The following TULP3 variants were observed in gnomAD, a reference collection of about 807,000 sequenced individuals.
The protein encoded by TULP3 is tubby-related protein 3.
A neutral mutation model predicts 50.7 loss-of-function variants in TULP3; 38 were observed. The ratio of observed to expected loss-of-function variants is 0.75; its 90% confidence interval spans 0.58 to 0.98. The LOEUF (loss-of-function observed/expected upper bound fraction) is 0.98. TULP3 is among the 50% of genes least tolerant of loss of function. The pLI is 0.00. For missense variants in TULP3, 550 were observed against 568.0 expected (o/e 0.97, Z 0.32); for synonymous variants, 183 against 196.6 (o/e 0.93, Z 0.58).
At chr12:2,917,940 T>A (rs1010495153) in intron 2 of TULP3, among the ~76,000 whole-genome samples, 1 of 150,782 alleles carries the variant, frequency 6.6e-6, no homozygotes, top group African/African-American at 2.4e-5. Context: ...ACAAAAAAAA[T>A]TAGCTGGGTG....
At position 2,930,234 on chromosome 12, in the gene TULP3, T is replaced by G. The variant is rs1565506872; in HGVS notation, c.395-14T>G. 6.3e-7 allele frequency: 1 copy of G among 1,589,806 alleles called. No homozygotes were observed. Among genetic ancestry groups the G allele is most frequent in the Non-Finnish European group, 8.6e-7 (1 of 1,160,954 alleles). ...CAGTGTTGGCAGTGCTAACAGTTCT[T>G]CCTTTTCTGCTAGATATCTCTGAAA... On this transcript the variant is annotated splice_polypyrimidine_tract_variant and intron_variant, in intron 4 of 10. Coordinates refer to ENST00000448120, the MANE Select transcript of TULP3 (RefSeq NM_003324.5).
chr12:2,930,408 G>GTATT (rs923677525), intron 5 of TULP3, 63 bp downstream of exon 5: 1 of 1,050,416 alleles, frequency 9.5e-7, no homozygotes, highest in Non-Finnish European at 1.4e-6. Context: ...CATATCTTCA[G>GTATT]TATTTATTTA....
intron 1 of TULP3, among the ~76,000 whole-genome samples, chr12:2,904,977 TG>T (rs2098181324): frequency 6.6e-6 from 1 of 150,782 alleles, no homozygotes; most frequent in Admixed American, 6.6e-5. Context: ...CCCAGCTGCT[TG>T]GGAGGCTGAC....
At chr12:2,906,872 C>T (rs1432355344) in intron 1 of TULP3, among the ~76,000 whole-genome samples, 3 of 151,554 alleles carry the variant, frequency 2.0e-5, no homozygotes, top group Admixed American at 6.6e-5. Flanking sequence ...GCCAAGATCA[C>T]GTCATTGTAC....
At chr12:2,914,471 A>G (rs920902631) in intron 2 of TULP3, among the ~76,000 whole-genome samples, 8 of 152,210 alleles carry the variant, frequency 5.3e-5, no homozygotes, top group Non-Finnish European at 8.8e-5. Flanking sequence ...ATTGAACACT[A>G]GAACATATTT....
chr12:2,892,172 C>G (rs2098172510), intron 1 of TULP3, among the ~76,000 whole-genome samples: 1 of 152,004 alleles, frequency 6.6e-6, no homozygotes, highest in Non-Finnish European at 1.5e-5. Flanking sequence ...TAAAAATTGT[C>G]ACAAAGTTGT....
At chr12:2,895,747 G>C (rs565558818) in intron 1 of TULP3, among the ~76,000 whole-genome samples, 6 of 152,108 alleles carry the variant, frequency 3.9e-5, no homozygotes, top group Admixed American at 3.9e-4. Context: ...GTCATTAGTG[G>C]ATTTTGTTGT....
intron 2 of TULP3, among the ~76,000 whole-genome samples, chr12:2,915,525 TAA>T (rs2098188112): frequency 7.3e-6 from 1 of 136,262 alleles, no homozygotes; most frequent in Admixed American, 8.5e-5. Context: ...GCGGGGAGAT[TAA>T]GTTAGTTTTT....
At position 2,938,185 on chromosome 12, in the gene TULP3, C is replaced by A. The variant is rs2098202625; in HGVS notation, c.1095C>A (p.Ala365=). 6.2e-7 allele frequency: 1 copy of A among 1,614,128 alleles called. No homozygotes were observed. The highest frequency in any genetic ancestry group is 8.5e-7 in the Non-Finnish European group (1 of 1,180,038). ...ATCTGGTTGAGCTGCACAACAAGGC[C>A]CCCGTCTGGAACAGTGACACTCAGT... ...MENLVELHNK[A]PVWNSDTQSY... Residue 365 remains alanine, a synonymous_variant, in exon 10 of 11, where the codon GCC becomes GCA. Coordinates refer to ENST00000448120, the MANE Select transcript of TULP3 (RefSeq NM_003324.5).
At chr12:2,906,395 C>G (rs953944176) in intron 1 of TULP3, among the ~76,000 whole-genome samples, 1 of 151,282 alleles carries the variant, frequency 6.6e-6, no homozygotes, top group South Asian at 2.1e-4. Context: ...GTGGCGCAAT[C>G]TTGGCTCACT....
At chr12:2,893,588 T>C (rs896134176) in intron 1 of TULP3, among the ~76,000 whole-genome samples, 5 of 152,166 alleles carry the variant, frequency 3.3e-5, no homozygotes, top group Non-Finnish European at 7.4e-5. Context: ...CCCAAAGTGC[T>C]GGGATTACAG....
chr12:2,928,467 T>C (rs1437285485), intron 4 of TULP3, among the ~76,000 whole-genome samples: 1 of 151,776 alleles, frequency 6.6e-6, no homozygotes, highest in African/African-American at 2.4e-5. Flanking sequence ...GAGGCGGAGG[T>C]TGCGGTGAGC....
At position 2,922,309 on chromosome 12, in the gene TULP3, C is replaced by G; in HGVS notation, c.301C>G (p.Pro101Ala). Residue 101 changes from proline (P) to alanine (A), a missense_variant, in exon 4 of 11, where the codon CCA (proline) becomes GCA (alanine). Physicochemically the swap from Pro to Ala is conservative, Grantham distance 27. Coordinates refer to ENST00000448120, the MANE Select transcript of TULP3 (RefSeq NM_003324.5). ...AVLKPDEVHA[P>A]SVSSSVVEED... is the part of the protein sequence containing the mutation. ...CCTGAAACCAGACGAAGTTCATGCTCCATCAGTAAGCTCCTCTGTTGTGGA... is the reference window on the plus strand; with the variant it reads ...CCTGAAACCAGACGAAGTTCATGCTGCATCAGTAAGCTCCTCTGTTGTGGA... 1 of 1,614,124 alleles carries G rather than the reference C, an allele frequency of 6.2e-7. No homozygotes were observed. Among genetic ancestry groups the G allele is most frequent in the South Asian group, 1.1e-5 (1 of 91,078 alleles).
chr12:2,895,573 A>G (rs2098175064), intron 1 of TULP3, among the ~76,000 whole-genome samples: 1 of 152,232 alleles, frequency 6.6e-6, no homozygotes, highest in Non-Finnish European at 1.5e-5. Flanking sequence ...GGATTTGGAC[A>G]AGGTGAACCT....
intron 1 of TULP3, among the ~76,000 whole-genome samples, chr12:2,902,408 G>A (rs915648213): frequency 6.6e-6 from 1 of 152,196 alleles, no homozygotes; most frequent in Non-Finnish European, 1.5e-5. Context: ...GGCAAGGATG[G>A]TGTTTACTCT....
intron 8 of TULP3, among the ~76,000 whole-genome samples, chr12:2,935,680 C>T (rs886169983): frequency 5.9e-5 from 9 of 152,122 alleles, no homozygotes; most frequent in Non-Finnish European, 1.3e-4. Flanking sequence ...CATATATAAT[C>T]TGCTTGGCTT....
intron 4 of TULP3, among the ~76,000 whole-genome samples, chr12:2,925,742 AT>A (rs2098194337): frequency 6.6e-6 from 1 of 152,188 alleles, no homozygotes. Flanking sequence ...AGCAAAAATA[AT>A]TTTCTATTTA....
intron 8 of TULP3, among the ~76,000 whole-genome samples, chr12:2,934,774 CT>C (rs1460188975): frequency 6.6e-6 from 1 of 152,132 alleles, no homozygotes; most frequent in Non-Finnish European, 1.5e-5. Context: ...CCCTTATTTC[CT>C]TTTCTTTTTT....
intron 2 of TULP3, among the ~76,000 whole-genome samples, chr12:2,915,069 A>T (rs1244458539): frequency 6.6e-6 from 1 of 151,606 alleles, no homozygotes; most frequent in Non-Finnish European, 1.5e-5. Flanking sequence ...GCTCACTGCA[A>T]CCTCTGCCTC....
Sources: allele counts gnomAD v4.1 joint callset (sites outside exome capture counted in the v4.1 genomes callset), GRCh38; gene constraint gnomAD v4.1.1; transcripts MANE v1.5; gene names NCBI Gene and HGNC (gene_info 2026-07-23, HGNC 2026-07-21).